Variants in TRDN observed in about 807,000 individuals in gnomAD.
The protein encoded by TRDN is triadin, also known as triadin in skeletal muscle.
Under a neutral mutation model 149.7 loss-of-function variants are expected in TRDN, and 161 were observed. The ratio of observed to expected loss-of-function variants is 1.08; its 90% CI spans 0.95 to 1.23. The LOEUF is 1.23. Ranked by LOEUF, TRDN falls within the 50% of genes most tolerant of loss-of-function variation. TRDN has a pLI of 0.00. For missense variants in TRDN, 896 were observed against 823.5 expected, an observed-to-expected ratio of 1.09 and a Z score of -1.08; for synonymous variants, 294 against 250.5, an observed-to-expected ratio of 1.17 and a Z score of -1.64.
intron 2 of TRDN, among the ~76,000 whole-genome samples, chr6:123,565,222 G>T (rs1008496286): frequency 6.6e-6 from 1 of 152,134 alleles, no homozygotes; most frequent in African/African-American, 2.4e-5. Context: ...AGGTCTTTCT[G>T]GCTGAGTCTG....
At chr6:123,516,380 T>G (rs1233266114) in intron 5 of TRDN, among the ~76,000 whole-genome samples, 174 bp from the exon 6 acceptor site, 1 of 152,140 alleles carries the variant, frequency 6.6e-6, no homozygotes, top group Non-Finnish European at 1.5e-5. Context: ...ACAGATTTAT[T>G]TCCTATTTCT....
chr6:123,629,323 G>C (rs1171458809), intron 1 of TRDN, among the ~76,000 whole-genome samples: 3 of 152,112 alleles, frequency 2.0e-5, no homozygotes, highest in Non-Finnish European at 1.5e-5. Context: ...TAATGCCCTA[G>C]ACCATATTAA....
chr6:123,464,907 T>C lies in TRDN; in HGVS notation c.930A>G (p.Glu310=). Residue 310 remains glutamate, a splice_region_variant and synonymous_variant, in exon 10 of 41, where the codon GAA becomes GAG. Transcript: ENST00000334268. ...TTTAAGAAAAAAAAAAGTACTTGCC[T>C]TCAAGGGCAGGTGATGCCGGAGTGG... ...SRPTPASPAL[E]EKEGEKKKAE... is the part of the protein sequence containing the mutation. The C allele has an allele frequency of 6.3e-7, 1 of 1,581,002 alleles. No individual in the cohort carries two copies. Among genetic ancestry groups the C allele is most frequent in the Non-Finnish European group, 8.6e-7 (1 of 1,162,446 alleles).
At chr6:123,425,175 G>A (rs1774063919) in intron 12 of TRDN, among the ~76,000 whole-genome samples, 1 of 151,724 alleles carries the variant, frequency 6.6e-6, no homozygotes, top group African/African-American at 2.4e-5. Flanking sequence ...AAAAAAGGGT[G>A]TAGTAATCTT....
chr6:123,367,364 A>G lies in TRDN; in HGVS notation c.1274-1182T>C, dbSNP rs184455906. 3.6e-3 allele frequency among the ~76,000 whole-genome samples: 554 copies of G among 152,216 alleles called. 5 individuals are homozygous for G. The highest frequency in any genetic ancestry group is 0.013 in the African/African-American group (528 of 41,520). ...TATCACCCTTCACCCATATATGCTC[A>G]GCACTGATGCTCTGAGAACAACCAA... On this transcript the variant is annotated intron_variant, in intron 19 of 40. Coordinates refer to ENST00000334268, the MANE Select transcript of TRDN (RefSeq NM_006073.4).
chr6:123,498,613 A>G, intron 8 of TRDN: 1 of 470,892 alleles, frequency 2.1e-6, no homozygotes. Context: ...TGGCAGTAAT[A>G]GCTGGAGTTT....
intron 21 of TRDN, among the ~76,000 whole-genome samples, chr6:123,344,412 C>T (rs1780178011): frequency 1.3e-5 from 2 of 151,980 alleles, no homozygotes; most frequent in African/African-American, 4.8e-5. Context: ...CCTAAAAATT[C>T]TCTATGCTCC....
At chr6:123,325,369 T>C (rs925281644) in intron 23 of TRDN, among the ~76,000 whole-genome samples, 1 of 151,984 alleles carries the variant, frequency 6.6e-6, no homozygotes, top group African/African-American at 2.4e-5. Context: ...TCAGAAAAAG[T>C]ACAGAAAAAT....
At chr6:123,263,729 C>T (rs373457067) in intron 33 of TRDN, among the ~76,000 whole-genome samples, 39 of 152,176 alleles carry the variant, frequency 2.6e-4, no homozygotes, top group African/African-American at 9.1e-4. Flanking sequence ...GGCTTCAAAG[C>T]TTCAAAAGAC....
Position 123,288,369 on chromosome 6 carries a change from C to A in TRDN, c.1511-9287G>T, listed in dbSNP as rs577488240. 2.4e-4 allele frequency among the ~76,000 whole-genome samples: 37 copies of A among 151,966 alleles called. 1 individual carries two copies. Among genetic ancestry groups the A allele is most frequent in the Non-Finnish European group, 4.0e-4 (27 of 67,950 alleles). ...ACTCCAAAAGTACAGGCAACAAAAT[C>A]AAAAATAAACTAATGGGATTGAGTG... is the stretch of plus-strand genomic sequence containing the variant. On this transcript the variant is annotated intron_variant, in intron 24 of 40. Coordinates refer to ENST00000334268, the MANE Select transcript of TRDN (RefSeq NM_006073.4).
intron 24 of TRDN, among the ~76,000 whole-genome samples, chr6:123,292,321 A>C (rs1778038140): frequency 6.6e-6 from 1 of 152,092 alleles, no homozygotes; most frequent in Admixed American, 6.5e-5. Flanking sequence ...TCAGAGCGGA[A>C]GTGGGTGGAC....
chr6:123,283,708 G>A (rs946376331), intron 24 of TRDN, among the ~76,000 whole-genome samples: 2 of 150,882 alleles, frequency 1.3e-5, no homozygotes, highest in East Asian at 2.0e-4. Flanking sequence ...AGATGAGATG[G>A]ATAAATTCCT....
intron 12 of TRDN, among the ~76,000 whole-genome samples, chr6:123,433,051 T>C (rs1348528813): frequency 6.6e-6 from 1 of 150,594 alleles, no homozygotes; most frequent in Admixed American, 6.7e-5. Flanking sequence ...ATCTCTTCCA[T>C]TACACTTTTA....
At chr6:123,622,334 CACACACACACACAG>C (rs1200475849) in intron 1 of TRDN, among the ~76,000 whole-genome samples, 4 of 131,164 alleles carry the variant, frequency 3.0e-5, no homozygotes, top group East Asian at 6.0e-4. Flanking sequence ...CACACACACA[CACACACACACACAG>C]GCACACGCAC....
intron 2 of TRDN, 59 bp from the exon 3 acceptor site, chr6:123,548,671 A>C (rs938384386): frequency 5.5e-6 from 7 of 1,264,188 alleles, no homozygotes; most frequent in Admixed American, 4.0e-5. Context: ...CAAATAACTT[A>C]AGAAAAGCTG....
chr6:123,604,787 T>A (rs1051102115), intron 1 of TRDN, among the ~76,000 whole-genome samples: 1 of 151,768 alleles, frequency 6.6e-6, no homozygotes, highest in Non-Finnish European at 1.5e-5. Flanking sequence ...GGAAGGTCAA[T>A]GATTTGATTA....
chr6:123,388,056 G>A (rs966959705), intron 14 of TRDN, among the ~76,000 whole-genome samples: 6 of 151,414 alleles, frequency 4.0e-5, no homozygotes, highest in East Asian at 1.9e-4. Flanking sequence ...AATGAAAAGC[G>A]GTATATAAGC....
intron 1 of TRDN, among the ~76,000 whole-genome samples, chr6:123,620,520 C>CT (rs1562135843): frequency 6.6e-6 from 1 of 151,960 alleles, no homozygotes; most frequent in African/African-American, 2.4e-5. Context: ...TACCCATGCT[C>CT]TTCACAGAGT....
chr6:123,282,243 G>T (rs1053483393), intron 24 of TRDN, among the ~76,000 whole-genome samples: 2 of 151,796 alleles, frequency 1.3e-5, no homozygotes, highest in African/African-American at 4.8e-5. Flanking sequence ...ACATATATAA[G>T]TTCTATATAT....
Sources: gnomAD v4.1 joint callset for allele counts (sites outside exome capture counted in the v4.1 genomes callset) on GRCh38, gnomAD v4.1.1 for gene constraint, MANE v1.5 for transcripts, NCBI Gene and HGNC (gene_info 2026-07-23, HGNC 2026-07-21) for gene names.